The following ZNF43 variants were observed in gnomAD, a reference collection of about 807,000 sequenced individuals.
The protein encoded by ZNF43 is zinc finger protein 39-like 1 (KOX 27).
ZNF43 carries 44 observed loss-of-function variants against 68.4 expected under a neutral mutation model. The ratio of observed to expected loss-of-function variants is 0.64; its 90% confidence interval spans 0.51 to 0.83. The LOEUF (loss-of-function observed/expected upper bound fraction) is 0.83, where lower values mean the gene tolerates loss of function less well. Among genes scored for constraint, ZNF43 ranks in the 40% least tolerant of loss-of-function variants. The pLI, the probability that ZNF43 is intolerant of heterozygous loss-of-function variation, is 0.00. For synonymous variants in ZNF43, 308 were observed against 307.8 expected (o/e 1.00, Z -0.01); for missense variants, 896 against 933.2 (o/e 0.96, Z 0.52).
chr19:21,843,334 A>G, intron 1 of ZNF43: 1 of 984,448 alleles, frequency 1.0e-6, no homozygotes, highest in Non-Finnish European at 1.2e-6. Flanking sequence ...CACCTGCAGA[A>G]AGACCCAGAA....
At chr19:21,814,923 C>T (rs991389877) in intron 3 of ZNF43, among the ~76,000 whole-genome samples, 5 of 151,882 alleles carry the variant, frequency 3.3e-5, no homozygotes, top group Non-Finnish European at 7.4e-5. Context: ...CACAGTGGCT[C>T]ATGCCTGTAA....
At chr19:21,846,411 C>T (rs191991560) in intron 1 of ZNF43, among the ~76,000 whole-genome samples, 1 of 152,332 alleles carries the variant, frequency 6.6e-6, no homozygotes, top group Admixed American at 6.5e-5. Flanking sequence ...ACTCTCTTTT[C>T]TGTTAGCACA....
At chr19:21,842,569 G>C (rs565232549) in intron 1 of ZNF43, among the ~76,000 whole-genome samples, 9 of 152,034 alleles carry the variant, frequency 5.9e-5, no homozygotes, top group Non-Finnish European at 1.2e-4. Context: ...TCATCTAAGA[G>C]AGGGCTCCAG....
chr19:21,843,978 CAT>C (rs1967723545), intron 1 of ZNF43, among the ~76,000 whole-genome samples: 1 of 152,072 alleles, frequency 6.6e-6, no homozygotes, highest in African/African-American at 2.4e-5. Context: ...GCTGGTTGCG[CAT>C]ATGAGTATAA....
At chr19:21,842,520 T>C (rs1967615737) in intron 1 of ZNF43, among the ~76,000 whole-genome samples, 1 of 150,826 alleles carries the variant, frequency 6.6e-6, no homozygotes, top group African/African-American at 2.4e-5. Context: ...TATGGCACAA[T>C]ATTTTCTGAA....
chr19:21,835,625 G>C (rs2038680346), intron 1 of ZNF43, among the ~76,000 whole-genome samples: 1 of 151,978 alleles, frequency 6.6e-6, no homozygotes, highest in Non-Finnish European at 1.5e-5. Flanking sequence ...AAAGTGCTGG[G>C]ATTAAAGGCG....
chr19:21,809,058 A>C lies in ZNF43; in HGVS notation c.979T>G (p.Ser327Ala), dbSNP rs1224179065. The C allele has an allele frequency of 6.2e-7, 1 of 1,613,248 alleles. No individual in the cohort carries two copies. Residue 327 changes from serine (S) to alanine (A), a missense_variant, in exon 4 of 4, where the codon TCA becomes GCA. Coordinates refer to ENST00000354959, the MANE Select transcript of ZNF43 (RefSeq NM_003423.4). ...EECGKAFNWP[S>A]TLTKHKRIHT... The stretch of plus-strand genomic sequence containing the variant: ...ATTCTCTTATGTTTAGTAAGAGTTG[A>C]GGGCCAGTTAAAGGCTTTGCCACAT...
At chr19:21,811,741 C>T (rs754568579) in intron 3 of ZNF43, among the ~76,000 whole-genome samples, 1 of 151,866 alleles carries the variant, frequency 6.6e-6, no homozygotes, top group Non-Finnish European at 1.5e-5. Flanking sequence ...TACAAAGTTG[C>T]CATGAGGAAG....
exon 1 of ZNF43, chr19:21,852,063 GAC>G (rs1421310028): frequency 9.8e-7 from 1 of 1,016,400 alleles, no homozygotes; most frequent in African/African-American, 1.7e-5. Context: ...GGGAGCTGGA[GAC>G]AAAGGCCCCG....
At chr19:21,848,866 T>C (rs574948351) in intron 1 of ZNF43, among the ~76,000 whole-genome samples, 6 of 136,944 alleles carry the variant, frequency 4.4e-5, no homozygotes, top group Non-Finnish European at 7.8e-5. Flanking sequence ...GTGTTCGCTC[T>C]GGCCCTCAGC....
intron 1 of ZNF43, among the ~76,000 whole-genome samples, chr19:21,822,614 G>A (rs1413258766): frequency 1.3e-5 from 2 of 152,038 alleles, no homozygotes; most frequent in Middle Eastern, 6.8e-3. Flanking sequence ...GACCATCCTG[G>A]CTAACACAGT....
At chr19:21,850,035 T>C (rs1968240360) in intron 1 of ZNF43, 3 of 152,152 alleles carry the variant, frequency 2.0e-5, no homozygotes. Context: ...GCCAGGAATA[T>C]GTAACAAACT....
At chr19:21,830,383 A>G (rs1295181807) in intron 1 of ZNF43, among the ~76,000 whole-genome samples, 1 of 152,058 alleles carries the variant, frequency 6.6e-6, no homozygotes, top group Non-Finnish European at 1.5e-5. Context: ...TAGAGAGATT[A>G]ATGAAGAAAG....
chr19:21,851,742 G>C (rs1003320424), intron 1 of ZNF43, among the ~76,000 whole-genome samples: 1 of 152,088 alleles, frequency 6.6e-6, no homozygotes, highest in South Asian at 2.1e-4. Context: ...GGGGCGGGAC[G>C]CGGGAGGCTC....
chr19:21,833,719 A>T (rs2038540898), intron 1 of ZNF43, among the ~76,000 whole-genome samples: 4 of 151,880 alleles, frequency 2.6e-5, no homozygotes, highest in Non-Finnish European at 5.9e-5. Flanking sequence ...GAAAAACTTG[A>T]CCTAAAAACA....
Position 21,812,749 on chromosome 19 carries a change from G to A in ZNF43, c.230-2942C>T, listed in dbSNP as rs550540380. On this transcript the variant is annotated intron_variant, in intron 3 of 3. Coordinates refer to ENST00000354959, the MANE Select transcript of ZNF43 (RefSeq NM_003423.4). ...GTGAATCACCATAGGTCAGAAGTTC[G>A]AGATCAGCCCGGCCAACATGGCAAA... is the stretch of plus-strand genomic sequence containing the variant. Among the ~76,000 whole-genome samples the A allele has an allele frequency of 1.8e-3, 270 of 152,072 alleles. 1 individual carries two copies. The highest frequency in any genetic ancestry group is 0.013 in the South Asian group (63 of 4,820).
At chr19:21,833,519 C>T (rs909952748) in intron 1 of ZNF43, among the ~76,000 whole-genome samples, 2 of 151,892 alleles carry the variant, frequency 1.3e-5, no homozygotes, top group African/African-American at 4.8e-5. Flanking sequence ...ATTCACCCAC[C>T]TCGGCCTCCC....
At chr19:21,852,050 A>G (rs1405420688) in exon 1 of ZNF43, 3 of 1,185,338 alleles carry the variant, frequency 2.5e-6, no homozygotes, top group Non-Finnish European at 2.3e-6. Flanking sequence ...CCCAAGGTCT[A>G]GCGGGAGCTG....
chr19:21,850,231 A>T (rs531768517), intron 1 of ZNF43, among the ~76,000 whole-genome samples: 2 of 152,334 alleles, frequency 1.3e-5, no homozygotes, highest in Admixed American at 1.3e-4. Flanking sequence ...CTCCTAGGTG[A>T]TTGATGCAGA....
Sources: allele counts gnomAD v4.1 joint callset (sites outside exome capture counted in the v4.1 genomes callset), GRCh38; gene constraint gnomAD v4.1.1; transcripts MANE v1.5; gene names NCBI Gene and HGNC (gene_info 2026-07-23, HGNC 2026-07-21).